XPNPEP1: variants seen among roughly 807,000 people sequenced by gnomAD.
XPNPEP1 encodes xaa-Pro aminopeptidase 1.
Under a neutral mutation model 92.4 loss-of-function variants are expected in XPNPEP1, and 39 were observed. That is an observed-to-expected ratio of 0.42 (90% CI 0.33 to 0.55). The LOEUF (loss-of-function observed/expected upper bound fraction) is 0.55. Among genes scored for constraint, XPNPEP1 ranks in the 20% least tolerant of loss-of-function variants. The pLI, the probability that XPNPEP1 is intolerant of heterozygous loss-of-function variation, is 0.08. For synonymous variants in XPNPEP1, 307 were observed against 299.4 expected (o/e 1.03, Z -0.26); for missense variants, 654 against 856.1 (o/e 0.76, Z 2.95).
intron 1 of XPNPEP1, among the ~76,000 whole-genome samples, chr10:109,917,585 C>T (rs907864452): frequency 3.3e-5 from 5 of 152,092 alleles, no homozygotes; most frequent in Non-Finnish European, 7.4e-5. Flanking sequence ...GCATTCCCTG[C>T]CAAAATTCTA....
chr10:109,875,028 C>T (rs1011374081), intron 15 of XPNPEP1, among the ~76,000 whole-genome samples: 1 of 152,162 alleles, frequency 6.6e-6, no homozygotes, highest in African/African-American at 2.4e-5. Context: ...GTATCAAGAC[C>T]CAACCAAATC....
At position 109,907,833 on chromosome 10, in the gene XPNPEP1, C is replaced by A. The variant is rs1427805126; in HGVS notation, c.122-18G>T. 3 of 1,613,448 alleles carry A rather than the reference C, an allele frequency of 1.9e-6. No individual in the cohort carries two copies. Among genetic ancestry groups the A allele is most frequent in the East Asian group, 4.5e-5 (2 of 44,866 alleles). On this transcript the variant is annotated intron_variant, in intron 2 of 20. Transcript: ENST00000502935. ...TCTGCCGTCTGCAACAACAGGAGAG[C>A]AAATTTCAAAACCAGCCTGCCCCCA...
intron 3 of XPNPEP1, among the ~76,000 whole-genome samples, chr10:109,894,434 G>A (rs1848870571): frequency 6.6e-6 from 1 of 152,024 alleles, no homozygotes; most frequent in South Asian, 2.1e-4. Context: ...AGGAGGCTGA[G>A]GTGGGAGGAT....
chr10:109,889,073 G>C (rs1481785262), intron 5 of XPNPEP1, among the ~76,000 whole-genome samples: 1 of 152,232 alleles, frequency 6.6e-6, no homozygotes, highest in African/African-American at 2.4e-5. Flanking sequence ...TGCAAGGGCA[G>C]GGTGGCCAAG....
chr10:109,921,931 C>T (rs1323863221), intron 1 of XPNPEP1, among the ~76,000 whole-genome samples: 1 of 152,174 alleles, frequency 6.6e-6, no homozygotes, highest in Admixed American at 6.5e-5. Flanking sequence ...GGCTGTCAGC[C>T]TAGAACTGTC....
chr10:109,913,250 T>C (rs1407890119), intron 2 of XPNPEP1, among the ~76,000 whole-genome samples: 4 of 152,248 alleles, frequency 2.6e-5, no homozygotes, highest in Non-Finnish European at 4.4e-5. Context: ...AAGCACACCA[T>C]ACTTACCTCA....
intron 3 of XPNPEP1, among the ~76,000 whole-genome samples, chr10:109,904,836 C>A (rs978573989): frequency 2.0e-5 from 3 of 152,044 alleles, no homozygotes. Flanking sequence ...ACAGGTGCTG[C>A]AGAAAACAGT....
intron 3 of XPNPEP1, among the ~76,000 whole-genome samples, chr10:109,895,007 A>G (rs1363163276): frequency 6.6e-6 from 1 of 152,242 alleles, no homozygotes; most frequent in Non-Finnish European, 1.5e-5. Flanking sequence ...AGAAACAGTA[A>G]GTTAATGTCT....
intron 15 of XPNPEP1, among the ~76,000 whole-genome samples, chr10:109,874,856 G>T (rs1354339551): frequency 6.6e-6 from 1 of 152,214 alleles, no homozygotes; most frequent in Non-Finnish European, 1.5e-5. Context: ...GGCTGAGGCA[G>T]GAGAATGGCT....
chr10:109,906,132 C>T (rs1849546300), intron 3 of XPNPEP1, among the ~76,000 whole-genome samples: 1 of 152,166 alleles, frequency 6.6e-6, no homozygotes. Context: ...TCTACCACCC[C>T]CTCCATCATG....
In XPNPEP1 at chr10:109,915,088, T is replaced by C; in HGVS notation, c.44A>G (p.Gln15Arg). ...RKPPRVRVNHQDFQLRNLRII... is the reference protein window; with the variant it reads ...RKPPRVRVNHRDFQLRNLRII... Reference sequence around the variant, plus strand: ...TCTTAAATTTCTCAGTTGAAAATCCTGGTGATTCACCCTTAAGGAGAGAAA... The same window carrying C: ...TCTTAAATTTCTCAGTTGAAAATCCCGGTGATTCACCCTTAAGGAGAGAAA... Residue 15 changes from glutamine to arginine, a missense_variant, in exon 2 of 21, where the codon CAG (glutamine) becomes CGG (arginine). Coordinates refer to ENST00000502935, the MANE Select transcript of XPNPEP1 (RefSeq NM_020383.4). 2.0e-6 allele frequency: 3 copies of C among 1,528,350 alleles called. No homozygotes were observed. The South Asian group carries it at 3.7e-5, about 19-fold the overall frequency. The allele number at this position is 1,528,350 out of a possible 1,614,324, so 94.7% of individuals were successfully genotyped here. A position where few individuals can be genotyped will look rare whatever the true frequency, so the allele number is the denominator to read the frequency against.
intron 3 of XPNPEP1, chr10:109,893,325 C>A (rs1353925844): frequency 2.7e-6 from 1 of 372,610 alleles, no homozygotes; most frequent in Non-Finnish European, 4.8e-6. Flanking sequence ...CAAAGCACAT[C>A]AGGAGAAACA....
In XPNPEP1 at chr10:109,907,743, T is replaced by C. The variant is rs987799582; in HGVS notation, c.194A>G (p.Tyr65Cys). The C allele has an allele frequency of 1.9e-5, 30 of 1,614,110 alleles. No homozygotes were observed. Among genetic ancestry groups the C allele is most frequent in the Non-Finnish European group, 2.5e-5 (29 of 1,180,048 alleles). The stretch of plus-strand genomic sequence containing the variant: ...GTAGGCCTGGATCGGTTCGGTCACA[T>C]ACTCAGAGTTCCTCATGGCTTGTCT... Reference protein sequence around the residue: ...QLRQAMRNSEYVTEPIQAYII... With the variant: ...QLRQAMRNSECVTEPIQAYII... Residue 65 changes from tyrosine to cysteine, a missense_variant, in exon 3 of 21, where the codon TAT becomes TGT. Physicochemically the swap from Tyr to Cys is radical, Grantham distance 194. Coordinates refer to ENST00000502935, the MANE Select transcript of XPNPEP1 (RefSeq NM_020383.4).
chr10:109,872,347 C>T (rs1261132634), intron 16 of XPNPEP1, among the ~76,000 whole-genome samples: 1 of 152,234 alleles, frequency 6.6e-6, no homozygotes, highest in Non-Finnish European at 1.5e-5. Flanking sequence ...TGGAGCCAGG[C>T]ACTCTTGCTT....
chr10:109,886,469 C>T (rs1324589906), intron 7 of XPNPEP1, 128 bp from the exon 8 acceptor site: 2 of 839,086 alleles, frequency 2.4e-6, no homozygotes, highest in Non-Finnish European at 1.9e-6. Flanking sequence ...CTTAAACAGG[C>T]AGGAGGCCTG....
chr10:109,909,106 T>C (rs1044330158), intron 2 of XPNPEP1, among the ~76,000 whole-genome samples: 35 of 151,986 alleles, frequency 2.3e-4, no homozygotes, highest in African/African-American at 7.7e-4. Context: ...CCGTCTCTAC[T>C]AAAAATACAA....
chr10:109,923,243 G>T (rs577314864), intron 1 of XPNPEP1, 159 bp downstream of exon 1: 1 of 985,306 alleles, frequency 1.0e-6, no homozygotes, highest in East Asian at 1.1e-4. Flanking sequence ...CCCTTCCCCC[G>T]GCTCCTGTTC....
intron 14 of XPNPEP1, chr10:109,877,325 G>A (rs1280222755): frequency 6.4e-6 from 1 of 155,936 alleles, no homozygotes; most frequent in Non-Finnish European, 1.4e-5. Flanking sequence ...AATTAGCCAG[G>A]AGTGGTAGCA....
intron 11 of XPNPEP1, among the ~76,000 whole-genome samples, chr10:109,880,524 T>TA (rs1003619017): frequency 6.6e-5 from 10 of 152,146 alleles, no homozygotes; most frequent in Admixed American, 2.0e-4. Context: ...TTAAGAACCC[T>TA]ACAGGGGCCA....
Sources: allele counts gnomAD v4.1 joint callset (sites outside exome capture counted in the v4.1 genomes callset), GRCh38; gene constraint gnomAD v4.1.1; transcripts MANE v1.5; gene names NCBI Gene and HGNC (gene_info 2026-07-23, HGNC 2026-07-21).